The following TEX9 variants were observed in gnomAD, a reference collection of about 807,000 sequenced individuals.
TEX9 encodes the protein testis expressed 9.
A neutral mutation model predicts 59.6 loss-of-function variants in TEX9; 74 were observed. That is an observed-to-expected ratio of 1.24 (90% CI 1.03 to 1.51). The LOEUF (loss-of-function observed/expected upper bound fraction) is 1.51, where lower values mean the gene tolerates loss of function less well. Ranked by LOEUF, TEX9 falls within the 40% of genes most tolerant of loss-of-function variation. The probability of loss-of-function intolerance (pLI) is 0.00; values close to 1 mark genes in which losing one functional copy is unlikely to be tolerated. For missense variants in TEX9, 522 were observed against 447.8 expected (o/e 1.17, Z -1.49); for synonymous variants, 186 against 152.2 (o/e 1.22, Z -1.64).
intron 12 of TEX9, among the ~76,000 whole-genome samples, chr15:56,442,458 A>G (rs1567150579): frequency 6.6e-6 from 1 of 152,208 alleles, no homozygotes; most frequent in Admixed American, 6.5e-5. Flanking sequence ...TAGCAGCACT[A>G]TTCACAATGG....
At chr15:56,391,881 G>A (rs1358867496) in intron 7 of TEX9, among the ~76,000 whole-genome samples, 1 of 151,846 alleles carries the variant, frequency 6.6e-6, no homozygotes, top group Non-Finnish European at 1.5e-5. Context: ...CATTGCATCA[G>A]GTAAAACAAT....
At chr15:56,365,786 C>T (rs1375039930) in intron 2 of TEX9, 116 bp downstream of exon 2, 1 of 1,483,462 alleles carries the variant, frequency 6.7e-7, no homozygotes, top group Non-Finnish European at 8.9e-7. Flanking sequence ...CTGCAGCATT[C>T]CCTTCTCGTC....
intron 12 of TEX9, among the ~76,000 whole-genome samples, chr15:56,440,761 C>T (rs2050803053): frequency 6.6e-6 from 1 of 152,136 alleles, no homozygotes; most frequent in Non-Finnish European, 1.5e-5. Context: ...TCCTGAGGCA[C>T]ATACTTTTAA....
At position 56,412,306 on chromosome 15, in the gene TEX9, T is replaced by G; in HGVS notation, c.833T>G (p.Leu278Ter). Reference sequence around the variant, plus strand: ...ATAATCTTTTTTACTATACAGGAATTAGAAAATAAAAGAAGACTGCAAAAA... The same window carrying G: ...ATAATCTTTTTTACTATACAGGAATGAGAAAATAAAAGAAGACTGCAAAAA... Residue 278 changes from leucine (L) to a stop codon, truncating the protein, a stop_gained, in exon 10 of 13, where the codon TTA (leucine) becomes TGA (stop). Transcript: ENST00000352903. LOFTEE classifies it high-confidence loss of function. The G allele has an allele frequency of 1.2e-6, 2 of 1,604,492 alleles. No homozygotes were observed. The highest frequency in any genetic ancestry group is 1.7e-6 in the Non-Finnish European group (2 of 1,177,430).
intron 12 of TEX9, among the ~76,000 whole-genome samples, chr15:56,439,296 T>C (rs778429626): frequency 7.9e-5 from 12 of 152,168 alleles, no homozygotes; most frequent in Non-Finnish European, 1.5e-4. Context: ...AGCCAAATTG[T>C]GTTCATGAAC....
At chr15:56,278,750 G>A (rs557020695) in intron 1 of TEX9, among the ~76,000 whole-genome samples, 3 of 151,784 alleles carry the variant, frequency 2.0e-5, no homozygotes, top group Non-Finnish European at 4.4e-5. Flanking sequence ...ATAGGTTTTG[G>A]GTTCCTCAAA....
intron 6 of TEX9, among the ~76,000 whole-genome samples, chr15:56,389,647 A>C (rs775812624): frequency 6.6e-6 from 1 of 151,874 alleles, no homozygotes; most frequent in Non-Finnish European, 1.5e-5. Context: ...AATTTTTATA[A>C]ATGTTATTTC....
intron 1 of TEX9, among the ~76,000 whole-genome samples, chr15:56,310,001 C>A (rs1464750264): frequency 6.6e-6 from 1 of 152,118 alleles, no homozygotes; most frequent in South Asian, 2.1e-4. Flanking sequence ...TCCAAAGAGT[C>A]TGGGAGATGG....
chr15:56,431,292 A>G, intron 12 of TEX9: 2 of 1,525,156 alleles, frequency 1.3e-6, no homozygotes, highest in Non-Finnish European at 1.8e-6. Context: ...AGCAAAACCA[A>G]GGCACTCTAA....
At chr15:56,355,293 C>A (rs2046663193) in intron 1 of TEX9, among the ~76,000 whole-genome samples, 1 of 152,092 alleles carries the variant, frequency 6.6e-6, no homozygotes. Flanking sequence ...ATATGTCTAA[C>A]TTTATGAGAC....
intron 12 of TEX9, chr15:56,443,360 C>T: frequency 8.8e-7 from 1 of 1,140,708 alleles, no homozygotes; most frequent in South Asian, 1.7e-5. Flanking sequence ...AATGTACTAT[C>T]TCTTTTCTGC....
chr15:56,362,268 T>A (rs2046804142), upstream of TEX9, among the ~76,000 whole-genome samples: 1 of 152,230 alleles, frequency 6.6e-6, no homozygotes, highest in African/African-American at 2.4e-5. Flanking sequence ...CCAAATATAA[T>A]GATGGATTTG....
chr15:56,260,171 C>T (rs1225046989), intron 1 of TEX9, among the ~76,000 whole-genome samples: 2 of 152,090 alleles, frequency 1.3e-5, no homozygotes, highest in Non-Finnish European at 2.9e-5. Flanking sequence ...TATTTACAAT[C>T]ATGTCATCTG....
chr15:56,406,717 A>T (rs2049098633), intron 9 of TEX9, among the ~76,000 whole-genome samples: 1 of 152,082 alleles, frequency 6.6e-6, no homozygotes, highest in African/African-American at 2.4e-5. Context: ...ACATCTTTTC[A>T]TGTGTTTCTT....
chr15:56,283,013 A>G (rs1170975422), intron 1 of TEX9, among the ~76,000 whole-genome samples: 1 of 151,570 alleles, frequency 6.6e-6, no homozygotes, highest in Non-Finnish European at 1.5e-5. Flanking sequence ...GGGAGAATAA[A>G]CATATATGTT....
chr15:56,334,037 T>A (rs2046210721), intron 1 of TEX9, among the ~76,000 whole-genome samples: 1 of 152,146 alleles, frequency 6.6e-6, no homozygotes, highest in Non-Finnish European at 1.5e-5. Flanking sequence ...GGAAAGATAT[T>A]TCATGTTTAT....
Position 56,443,892 on chromosome 15 carries a change from A to G in TEX9, c.*30-1779A>G, listed in dbSNP as rs76205099. 2.0e-3 allele frequency: 2,743 copies of G among 1,391,772 alleles called. 28 individuals carry two copies. The African/African-American group carries it at 0.027, about 13-fold the overall frequency. 86.2% of individuals were successfully genotyped at this position (1,391,772 alleles called of 1,614,324 possible). A position where few individuals can be genotyped will look rare whatever the true frequency, so the allele number is the denominator to read the frequency against. ...AACAAGTACAGATTTATAGTAAACA[A>G]TAAAATATAAAAAAGTAATTTCATT... is the stretch of plus-strand genomic sequence containing the variant. On this transcript the variant is annotated intron_variant, in intron 12 of 12. Coordinates refer to ENST00000352903, the Ensembl canonical transcript of TEX9.
chr15:56,297,568 G>T (rs1346844507), intron 1 of TEX9, among the ~76,000 whole-genome samples: 2 of 152,220 alleles, frequency 1.3e-5, no homozygotes, highest in South Asian at 4.2e-4. Context: ...GCAGTGGTGC[G>T]ATCTTGGCTC....
intron 1 of TEX9, among the ~76,000 whole-genome samples, chr15:56,300,306 A>G (rs1409373969): frequency 2.6e-5 from 4 of 151,372 alleles, no homozygotes; most frequent in Admixed American, 1.3e-4. Context: ...AAGAGTGAGA[A>G]GGACATTGTT....
Sources: gnomAD v4.1 joint callset for allele counts (sites outside exome capture counted in the v4.1 genomes callset) on GRCh38, gnomAD v4.1.1 for gene constraint, MANE v1.5 for transcripts, NCBI Gene and HGNC (gene_info 2026-07-23, HGNC 2026-07-21) for gene names.